Variants in HAUS4 observed in about 807,000 individuals in gnomAD.
The protein encoded by HAUS4 is HAUS augmin like complex subunit 4.
A neutral mutation model predicts 50.6 loss-of-function variants in HAUS4; 34 were observed. The ratio of observed to expected loss-of-function variants is 0.67; its 90% CI spans 0.51 to 0.90. The LOEUF (loss-of-function observed/expected upper bound fraction) is 0.90, where lower values mean the gene tolerates loss of function less well. Among genes scored for constraint, HAUS4 ranks in the 40% least tolerant of loss-of-function variants. The pLI is 0.00. For missense variants in HAUS4, 370 were observed against 428.7 expected, an observed-to-expected ratio of 0.86 and a Z score of 1.21; for synonymous variants, 149 against 161.4, an observed-to-expected ratio of 0.92 and a Z score of 0.58.
At chr14:22,952,298 G>A (rs1458970719) in intron 4 of HAUS4, 30 bp downstream of exon 4, 2 of 1,598,822 alleles carry the variant, frequency 1.3e-6, no homozygotes, top group Non-Finnish European at 8.6e-7. Context: ...GATTACAGGT[G>A]TTAGCCACCA....
At chr14:22,948,118 C>T (rs1356149711) in intron 6 of HAUS4, 105 bp from the exon 7 acceptor site, 2 of 1,149,860 alleles carry the variant, frequency 1.7e-6, no homozygotes, top group Admixed American at 3.0e-5. Flanking sequence ...CAAATCCTGC[C>T]TTATGACAGG....
At chr14:22,955,252 C>A in intron 1 of HAUS4, 76 bp from the exon 2 acceptor site, 1 of 890,670 alleles carries the variant, frequency 1.1e-6, no homozygotes, top group South Asian at 1.3e-5. Context: ...ACCTTATGTT[C>A]AAATTTCTGC....
rs148307495 is a variant in HAUS4, at chr14:22,952,309, C to T, written c.330+19G>A. On this transcript the variant is annotated intron_variant, in intron 4 of 9. Transcript: ENST00000541587. ...CTGGGATTACAGGTGTTAGCCACCA[C>T]GCCCAGCCTTTGCCTCACCTTTTTG... is the stretch of plus-strand genomic sequence containing the variant. 1.9e-5 allele frequency: 30 copies of T among 1,608,838 alleles called. No individual in the cohort carries two copies. The highest frequency in any genetic ancestry group is 1.7e-4 in the Middle Eastern group (1 of 6,048).
intron 7 of HAUS4, 51 bp from the exon 8 acceptor site, chr14:22,947,782 G>C: frequency 6.2e-7 from 1 of 1,612,166 alleles, no homozygotes; most frequent in African/African-American, 1.3e-5. Flanking sequence ...TAGTAGAAAG[G>C]AGGGTAGATC....
rs142704913 is a variant in HAUS4, at chr14:22,952,439, C to T, written c.219G>A (p.Leu73=). The change falls in exon 4 of 10, where the codon CTG becomes CTA. Residue 73 remains leucine (L), a synonymous_variant. Transcript: ENST00000541587. ...CAGACCTCAACCATGTTGTCTTATG[C>T]AGTCGAACTTCCTTCCATGCCTAGA... ...EQAQAWKEVR[L]HKTTWLRSEI... 3.7e-6 allele frequency: 6 copies of T among 1,613,958 alleles called. No individual in the cohort carries two copies. In the African/African-American group the frequency reaches 8.0e-5, roughly 22 times the overall value.
At chr14:22,949,547 A>AAAAAGAGAT (rs2044713539) in intron 6 of HAUS4, among the ~76,000 whole-genome samples, 2 of 151,708 alleles carry the variant, frequency 1.3e-5, no homozygotes, top group Non-Finnish European at 1.5e-5. Context: ...AAAAAAAAAA[A>AAAAAGAGAT]AAAGAGATAC....
intron 6 of HAUS4, among the ~76,000 whole-genome samples, chr14:22,948,457 G>T (rs1356796024): frequency 2.8e-5 from 4 of 142,620 alleles, no homozygotes; most frequent in African/African-American, 1.0e-4. Context: ...AAAAAAGCGG[G>T]GGGGGGGAGG....
At chr14:22,947,334 G>T in intron 8 of HAUS4, 95 bp from the exon 9 acceptor site, 1 of 870,734 alleles carries the variant, frequency 1.1e-6, no homozygotes, top group Non-Finnish European at 1.9e-6. Context: ...TCAAGGTGTG[G>T]GCTAAGCACT....
In HAUS4 at chr14:22,947,612, G is replaced by C. The variant is rs748502566; in HGVS notation, c.828C>G (p.Ile276Met). The change falls in exon 8 of 10, where the codon ATC becomes ATG. Residue 276 changes from isoleucine (I) to methionine (M), a missense_variant. Coordinates refer to ENST00000541587, the MANE Select transcript of HAUS4 (RefSeq NM_001166269.2). The stretch of plus-strand genomic sequence containing the variant: ...GGGTCACAGCTCACCTCAGCTTAAG[G>C]ATCATAGCACCGCACTTGACTTCCA... ...QYLEVKCGAM[I>M]LKLRMEELKI... is the part of the protein sequence containing the mutation. 1.7e-5 allele frequency: 28 copies of C among 1,614,142 alleles called. No homozygotes were observed. The South Asian group carries it at 3.0e-4, about 17-fold the overall frequency.
rs1319636284 is a variant in HAUS4, at chr14:22,946,433, T to G, written c.*92A>C. ...TAAGCATTTCCACACTCCCTTGTACTGAAGGCAGCCCCAGGTGAAGGTGGT... is the reference window on the plus strand; with the variant it reads ...TAAGCATTTCCACACTCCCTTGTACGGAAGGCAGCCCCAGGTGAAGGTGGT... On this transcript the variant is annotated 3_prime_UTR_variant, in exon 10 of 10. Coordinates refer to ENST00000541587, the MANE Select transcript of HAUS4 (RefSeq NM_001166269.2). 3 of 981,898 alleles carry G rather than the reference T, an allele frequency of 3.1e-6. No individual in the cohort carries two copies. The highest frequency in any genetic ancestry group is 3.0e-6 in the Non-Finnish European group (2 of 657,160). 60.8% of individuals were successfully genotyped at this position (981,898 alleles called of 1,614,324 possible).
chr14:22,954,513 G>T (rs1443001876), intron 2 of HAUS4: 1 of 152,180 alleles, frequency 6.6e-6, no homozygotes, highest in African/African-American at 2.4e-5. Context: ...CAAGGAATTT[G>T]CTGGCTACCC....
chr14:22,952,515 C>T (rs748319128), intron 3 of HAUS4, 26 bp downstream of exon 3: 1 of 1,612,908 alleles, frequency 6.2e-7, no homozygotes, highest in Non-Finnish European at 8.5e-7. Context: ...TTCCCTTCTT[C>T]TTATCTCTTC....
intron 5 of HAUS4, 59 bp downstream of exon 5, chr14:22,951,496 A>G: frequency 6.3e-7 from 1 of 1,577,450 alleles, no homozygotes; most frequent in Admixed American, 1.7e-5. Flanking sequence ...AAAACATTTT[A>G]AAGATATGGG....
chr14:22,954,427 T>A (rs1221959442), intron 2 of HAUS4: 1 of 152,200 alleles, frequency 6.6e-6, no homozygotes, highest in East Asian at 1.9e-4. Flanking sequence ...TGGAAAGAAC[T>A]CAGGATATAG....
At chr14:22,950,099 G>T (rs1402054138) in intron 6 of HAUS4, among the ~76,000 whole-genome samples, 1 of 146,256 alleles carries the variant, frequency 6.8e-6, no homozygotes, top group African/African-American at 2.5e-5. Flanking sequence ...TTGCACTCTA[G>T]CCTGGGCAAC....
Position 22,947,598 on chromosome 14 carries a change from C to T in HAUS4, c.839+3G>A. On this transcript the variant is annotated splice_donor_region_variant and intron_variant, in intron 8 of 9. Transcript: ENST00000541587. ...CTTAAGATCCACAGGGGTCACAGCT[C>T]ACCTCAGCTTAAGGATCATAGCACC... The T allele has an allele frequency of 6.2e-7, 1 of 1,614,042 alleles. No individual in the cohort carries two copies. Among genetic ancestry groups the T allele is most frequent in the Non-Finnish European group, 8.5e-7 (1 of 1,179,974 alleles).
chr14:22,954,883 G>A (rs552077442), intron 2 of HAUS4, among the ~76,000 whole-genome samples: 2 of 151,872 alleles, frequency 1.3e-5, no homozygotes, highest in East Asian at 1.9e-4. Context: ...CCACCACCAC[G>A]CCCAGCTAAT....
In HAUS4 at chr14:22,950,298, G is replaced by GAC; in HGVS notation, c.562+14_562+15dup. 7.0e-7 allele frequency: 1 copy of GAC among 1,425,692 alleles called. No homozygotes were observed. The highest frequency in any genetic ancestry group is 9.9e-7 in the Non-Finnish European group (1 of 1,008,306). The allele number at this position is 1,425,692 out of a possible 1,614,324, so 88.3% of individuals were successfully genotyped here. The stretch of plus-strand genomic sequence containing the variant: ...CTGAAGTCCAGCTGTGAGCAGAACA[G>GAC]ACAGCTAGCACTCACCTGAATTGGG... On this transcript the variant is annotated intron_variant, in intron 6 of 9. Coordinates refer to ENST00000541587, the MANE Select transcript of HAUS4 (RefSeq NM_001166269.2).
chr14:22,952,023 C>T (rs2044762669), intron 4 of HAUS4, among the ~76,000 whole-genome samples: 1 of 152,120 alleles, frequency 6.6e-6, no homozygotes, highest in Admixed American at 6.5e-5. Context: ...TTTCTTTCAC[C>T]TCACTTTTTT....
Sources: allele counts gnomAD v4.1 joint callset (sites outside exome capture counted in the v4.1 genomes callset), GRCh38; gene constraint gnomAD v4.1.1; transcripts MANE v1.5; gene names NCBI Gene and HGNC (gene_info 2026-07-23, HGNC 2026-07-21).